PCNX2: variants seen among roughly 807,000 people sequenced by gnomAD.
The protein encoded by PCNX2 is pecanex 2.
A neutral mutation model predicts 223.8 loss-of-function variants in PCNX2; 168 were observed. The ratio of observed to expected loss-of-function variants is 0.75; its 90% CI spans 0.66 to 0.85. The LOEUF is 0.85. Ranked by LOEUF, PCNX2 falls within the 40% of genes least tolerant of loss-of-function variation. The probability of loss-of-function intolerance (pLI) is 0.00; values close to 1 mark genes in which losing one functional copy is unlikely to be tolerated. For synonymous variants in PCNX2, 1,006 were observed against 1,052.6 expected (o/e 0.96, Z 0.86); for missense variants, 2,507 against 2,675.5 (o/e 0.94, Z 1.39).
intron 17 of PCNX2, among the ~76,000 whole-genome samples, chr1:233,167,512 A>G (rs902479151): frequency 1.5e-4 from 23 of 152,164 alleles, no homozygotes; most frequent in African/African-American, 5.3e-4. Flanking sequence ...TAATTAATAA[A>G]ACTGTACTAT....
intron 12 of PCNX2, among the ~76,000 whole-genome samples, chr1:233,217,078 A>G (rs933969392): frequency 2.0e-5 from 3 of 152,312 alleles, no homozygotes; most frequent in Admixed American, 1.3e-4. Flanking sequence ...GAATGAGGAA[A>G]GATTGGCTAA....
At chr1:233,237,544 T>C (rs1658496677) in intron 8 of PCNX2, among the ~76,000 whole-genome samples, 1 of 152,214 alleles carries the variant, frequency 6.6e-6, no homozygotes, top group African/African-American at 2.4e-5. Flanking sequence ...ACACACAGAT[T>C]GACAAGACTT....
rs550299618 is a variant in PCNX2 at position 233,009,672 on chromosome 1, T to C, written c.4952+4993A>G. Among the ~76,000 whole-genome samples the C allele has an allele frequency of 9.6e-4, 146 of 152,288 alleles. 3 individuals are homozygous for C. The highest frequency in any genetic ancestry group is 3.2e-4 in the Non-Finnish European group (22 of 68,014). ...AAGAATTAATCACTCAGCAGCTTGT[T>C]GAAAATCACAGATTTCCAAATCCAA... is the stretch of plus-strand genomic sequence containing the variant. On this transcript the variant is annotated intron_variant, in intron 28 of 33. Coordinates refer to ENST00000258229, the MANE Select transcript of PCNX2 (RefSeq NM_014801.4).
At chr1:233,145,157 G>A (rs1677368846) in intron 19 of PCNX2, among the ~76,000 whole-genome samples, 1 of 151,712 alleles carries the variant, frequency 6.6e-6, no homozygotes. Flanking sequence ...TAGTAGAGAC[G>A]GTGTTTCACC....
intron 25 of PCNX2, among the ~76,000 whole-genome samples, chr1:233,049,513 A>G (rs1671925090): frequency 6.6e-6 from 1 of 152,104 alleles, no homozygotes; most frequent in African/African-American, 2.4e-5. Context: ...ATCTATGACA[A>G]ACAAATGGCT....
At chr1:233,182,984 T>A (rs2102865445) in intron 15 of PCNX2, among the ~76,000 whole-genome samples, 1 of 152,274 alleles carries the variant, frequency 6.6e-6, no homozygotes, top group South Asian at 2.1e-4. Flanking sequence ...TGCATACACA[T>A]CTGCTAAGTC....
intron 15 of PCNX2, among the ~76,000 whole-genome samples, chr1:233,195,985 A>C (rs1338319566): frequency 6.6e-6 from 1 of 152,198 alleles, no homozygotes; most frequent in Non-Finnish European, 1.5e-5. Flanking sequence ...GAAAAAGAAG[A>C]ATAAAATTGG....
At chr1:233,032,061 C>A (rs1671287086) in intron 25 of PCNX2, 1 of 970,846 alleles carries the variant, frequency 1.0e-6, no homozygotes, top group Non-Finnish European at 1.2e-6. Flanking sequence ...GGAAGAAATT[C>A]TCTTCCAATG....
At chr1:233,183,991 T>A (rs545496388) in intron 15 of PCNX2, among the ~76,000 whole-genome samples, 14 of 152,362 alleles carry the variant, frequency 9.2e-5, no homozygotes, top group African/African-American at 3.4e-4. Context: ...CTTCTCTTAT[T>A]TCATTTCATA....
intron 18 of PCNX2, among the ~76,000 whole-genome samples, 172 bp downstream of exon 18, chr1:233,161,099 A>G (rs1050473602): frequency 2.6e-5 from 4 of 152,198 alleles, no homozygotes; most frequent in Admixed American, 2.6e-4. Flanking sequence ...ACCAAGTCAC[A>G]TCTTGGACAT....
intron 1 of PCNX2, chr1:233,285,007 C>T: frequency 1.0e-6 from 1 of 985,356 alleles, no homozygotes. Flanking sequence ...GCAGGACCCC[C>T]TGCTAACCAT....
chr1:233,191,316 G>A (rs953706962), intron 15 of PCNX2, among the ~76,000 whole-genome samples: 4 of 152,116 alleles, frequency 2.6e-5, no homozygotes, highest in South Asian at 2.1e-4. Context: ...CACAGAATAC[G>A]AACGTTTCAA....
At chr1:233,320,083 G>T in the PCNX2 span, among the ~76,000 whole-genome samples, 2 of 152,106 alleles carry the variant, frequency 1.3e-5, no homozygotes, top group Non-Finnish European at 2.9e-5. Context: ...AGAAATTCTA[G>T]CCTCATAAAG....
At chr1:233,160,222 C>T (rs373293023) in intron 19 of PCNX2, 61 bp downstream of exon 19, 111 of 1,531,706 alleles carry the variant, frequency 7.2e-5, no homozygotes, top group East Asian at 2.9e-4. Context: ...ACATGCTCTC[C>T]GGTTTAATGT....
At chr1:233,055,195 ACT>A (rs1382715186) in intron 24 of PCNX2, among the ~76,000 whole-genome samples, 1 of 152,196 alleles carries the variant, frequency 6.6e-6, no homozygotes, top group Non-Finnish European at 1.5e-5. Context: ...TAGGAGCAGG[ACT>A]GCTGTTCTCC....
intron 32 of PCNX2, among the ~76,000 whole-genome samples, chr1:232,992,493 G>A (rs1669737048): frequency 6.6e-6 from 1 of 152,216 alleles, no homozygotes; most frequent in African/African-American, 2.4e-5. Flanking sequence ...TCAGTGTTCA[G>A]TAATGCTTGT....
intron 8 of PCNX2, among the ~76,000 whole-genome samples, chr1:233,248,221 T>G (rs938777598): frequency 2.6e-5 from 4 of 152,094 alleles, no homozygotes; most frequent in African/African-American, 9.7e-5. Context: ...TGTTGATTTT[T>G]GCTGCCCGGC....
At chr1:233,291,085 T>C in intron 1 of PCNX2, 1 of 985,318 alleles carries the variant, frequency 1.0e-6, no homozygotes, top group Non-Finnish European at 1.2e-6. Flanking sequence ...CTCTTATATG[T>C]AGTATGTCAG....
chr1:233,258,315 G>C lies in PCNX2; in HGVS notation c.1547C>G (p.Pro516Arg). The C allele has an allele frequency of 6.2e-7, 1 of 1,613,978 alleles. No homozygotes were observed. The highest frequency in any genetic ancestry group is 8.5e-7 in the Non-Finnish European group (1 of 1,179,888). The change falls in exon 5 of 34, where the codon CCA becomes CGA. Residue 516 changes from proline to arginine, a missense_variant. Transcript: ENST00000258229. Reference sequence around the variant, plus strand: ...TTCATGGCTGGACTTACAAGACGATGGGTCAAGGTTAGTCTGGCCTTCCTT... The same window carrying C: ...TTCATGGCTGGACTTACAAGACGATCGGTCAAGGTTAGTCTGGCCTTCCTT... ...VGKEGQTNLD[P>R]SSCKSSHEKR... is the part of the protein sequence containing the mutation.
Sources: allele counts gnomAD v4.1 joint callset (sites outside exome capture counted in the v4.1 genomes callset), GRCh38; gene constraint gnomAD v4.1.1; transcripts MANE v1.5; gene names NCBI Gene and HGNC (gene_info 2026-07-23, HGNC 2026-07-21).